GRIN2A: variants seen among roughly 807,000 people sequenced by gnomAD.
GRIN2A encodes glutamate ionotropic receptor NMDA type subunit 2A, also known as glutamate receptor ionotropic, NMDA 2A.
GRIN2A carries 22 observed loss-of-function variants against 113.4 expected under a neutral mutation model. That is an observed-to-expected ratio of 0.19 (90% CI 0.14 to 0.28). The LOEUF (loss-of-function observed/expected upper bound fraction) is 0.28, where lower values mean the gene tolerates loss of function less well. Ranked by LOEUF, GRIN2A falls within the 10% of genes least tolerant of loss-of-function variation. The probability of loss-of-function intolerance (pLI) is 1.00; values close to 1 mark genes in which losing one functional copy is unlikely to be tolerated. For missense variants in GRIN2A, 1,502 were observed against 1,887.0 expected (o/e 0.80, Z 3.78); for synonymous variants, 827 against 738.4 (o/e 1.12, Z -1.94).
intron 2 of GRIN2A, among the ~76,000 whole-genome samples, chr16:10,155,638 G>C (rs2049675991): frequency 6.6e-6 from 1 of 152,172 alleles, no homozygotes; most frequent in South Asian, 2.1e-4. Flanking sequence ...TGATAATAAA[G>C]ACATATCGGA....
At chr16:10,154,093 C>A (rs2049639498) in intron 2 of GRIN2A, among the ~76,000 whole-genome samples, 1 of 152,088 alleles carries the variant, frequency 6.6e-6, no homozygotes, top group African/African-American at 2.4e-5. Context: ...CTTTCCTGGC[C>A]CCTTGAATCA....
At chr16:9,889,982 C>T (rs1402835070) in intron 4 of GRIN2A, among the ~76,000 whole-genome samples, 1 of 152,088 alleles carries the variant, frequency 6.6e-6, no homozygotes, top group Non-Finnish European at 1.5e-5. Context: ...CTGTTCTTTT[C>T]TAGGAATCTG....
chr16:10,006,048 G>A (rs1215226549), intron 2 of GRIN2A, among the ~76,000 whole-genome samples: 1 of 152,172 alleles, frequency 6.6e-6, no homozygotes, highest in African/African-American at 2.4e-5. Context: ...AAGGATGTAG[G>A]CTGTTGTAAT....
chr16:10,172,542 T>C (rs1293807423), intron 2 of GRIN2A, among the ~76,000 whole-genome samples: 1 of 152,058 alleles, frequency 6.6e-6, no homozygotes. Context: ...TGAAGTGAAG[T>C]GACTTTGGGG....
intron 4 of GRIN2A, among the ~76,000 whole-genome samples, chr16:9,863,057 G>A (rs1277059375): frequency 6.6e-6 from 1 of 152,170 alleles, no homozygotes; most frequent in African/African-American, 2.4e-5. Context: ...TAAGTGACTT[G>A]CCCAAGATCA....
intron 2 of GRIN2A, among the ~76,000 whole-genome samples, chr16:10,139,558 C>T (rs2049279340): frequency 6.6e-6 from 1 of 152,182 alleles, no homozygotes; most frequent in South Asian, 2.1e-4. Flanking sequence ...GCTGCTCACA[C>T]TTAGAGTAGT....
chr16:10,004,317 A>G (rs1037924698), intron 2 of GRIN2A, among the ~76,000 whole-genome samples: 3 of 148,916 alleles, frequency 2.0e-5, no homozygotes, highest in Admixed American at 6.7e-5. Flanking sequence ...TGAACCCGGG[A>G]GGCAGAGGTT....
intron 10 of GRIN2A, among the ~76,000 whole-genome samples, chr16:9,815,875 T>C (rs539493881): frequency 9.2e-5 from 14 of 152,344 alleles, no homozygotes; most frequent in African/African-American, 2.2e-4. Flanking sequence ...CAAGTGTCCA[T>C]TGAAAGATGA....
chr16:10,098,217 A>G lies in GRIN2A; in HGVS notation c.414+81781T>C, dbSNP rs540878020. On this transcript the variant is annotated intron_variant, in intron 2 of 12. Coordinates refer to ENST00000330684, the MANE Select transcript of GRIN2A (RefSeq NM_001134407.3). ...AACATATGAACAAATGCTCAACATCAGTAATGATCAGGGAAATGCAAATCA... is the reference window on the plus strand; with the variant it reads ...AACATATGAACAAATGCTCAACATCGGTAATGATCAGGGAAATGCAAATCA... Among the ~76,000 whole-genome samples, 11 of 152,358 alleles carry G rather than the reference A, an allele frequency of 7.2e-5. No homozygotes were observed. The South Asian group carries it at 2.3e-3, about 32-fold the overall frequency.
intron 2 of GRIN2A, among the ~76,000 whole-genome samples, chr16:9,961,515 T>C (rs921473060): frequency 2.0e-5 from 3 of 152,190 alleles, no homozygotes; most frequent in Non-Finnish European, 2.9e-5. Context: ...CAAGCAAAAC[T>C]AATCTATGAT....
chr16:10,056,345 C>T (rs1219355027), intron 2 of GRIN2A, among the ~76,000 whole-genome samples: 3 of 152,048 alleles, frequency 2.0e-5, no homozygotes, highest in African/African-American at 4.8e-5. Context: ...TTCAAATAAT[C>T]ATTCACCCTT....
At chr16:9,971,698 G>A (rs1442668360) in intron 2 of GRIN2A, among the ~76,000 whole-genome samples, 1 of 152,180 alleles carries the variant, frequency 6.6e-6, no homozygotes, top group Admixed American at 6.5e-5. Context: ...AGTTCCAGCA[G>A]TGTAGAAGTT....
chr16:9,952,310 G>GTAGA lies in GRIN2A; in HGVS notation c.415-13763_415-13760dup, dbSNP rs534387925. Among the ~76,000 whole-genome samples, 42 of 152,312 alleles carry GTAGA rather than the reference G, an allele frequency of 2.8e-4. No individual in the cohort carries two copies. The South Asian group carries it at 3.5e-3, about 13-fold the overall frequency. On this transcript the variant is annotated intron_variant, in intron 2 of 12. Coordinates refer to ENST00000330684, the MANE Select transcript of GRIN2A (RefSeq NM_001134407.3). ...GTTCCCAGTGACCCCTGAGGTCCTTGTAGATGGAGGGCAACTTGGCACAGG... is the reference window on the plus strand; with the variant it reads ...GTTCCCAGTGACCCCTGAGGTCCTTGTAGATAGATGGAGGGCAACTTGGCACAGG...
rs1239605138 is a variant in GRIN2A at position 9,761,261 on chromosome 16, C to T, written c.*1888G>A. 4.3e-6 allele frequency: 1 copy of T among 230,396 alleles called. No individual in the cohort carries two copies. The highest frequency in any genetic ancestry group is 2.2e-5 in the African/African-American group (1 of 45,168). The allele number at this position is 230,396 out of a possible 1,614,324, so 14.3% of individuals were successfully genotyped here. On this transcript the variant is annotated 3_prime_UTR_variant, in exon 13 of 13. Transcript: ENST00000330684. ...GGGAATCATCCCTGACACTTGCCCACATGCAAGAAAATAATACTTACAAAA... is the reference window on the plus strand; with the variant it reads ...GGGAATCATCCCTGACACTTGCCCATATGCAAGAAAATAATACTTACAAAA...
Position 9,822,408 on chromosome 16 carries a change from T to C in GRIN2A, c.2024A>G (p.Asp675Gly). Residue 675 changes from aspartate to glycine, a missense_variant, in exon 10 of 13, where the codon GAC (aspartate) becomes GGC (glycine). Asp to Gly is a moderately conservative substitution (Grantham distance 94). Around this residue, in one of 7 missense-constraint regions of GRIN2A, gnomAD observed 101 missense variants for 240.4 expected, o/e 0.42. Coordinates refer to ENST00000330684, the MANE Select transcript of GRIN2A (RefSeq NM_001134407.3). ...LSDKKFQRPH[D>G]YSPPFRFGTV... ...CCCAAATCGAAAAGGTGGGGAATAG[T>C]CATGAGGTCTCTGAAACTGGAGAGA... The C allele has an allele frequency of 6.2e-7, 1 of 1,610,012 alleles. No individual in the cohort carries two copies.
At chr16:10,072,545 T>C (rs8061018) in intron 2 of GRIN2A, among the ~76,000 whole-genome samples, 21,222 of 152,148 alleles carry the variant, frequency 0.14, 1,999 homozygotes, top group African/African-American at 0.27. Context: ...TGTAAAGTTC[T>C]CCTAGGTGAT....
chr16:9,840,487 C>T (rs1320826951), intron 7 of GRIN2A, among the ~76,000 whole-genome samples, 160 bp downstream of exon 7: 5 of 152,054 alleles, frequency 3.3e-5, no homozygotes, highest in African/African-American at 1.2e-4. Context: ...GACCCAAAGC[C>T]TAACCCTTTC....
intron 2 of GRIN2A, among the ~76,000 whole-genome samples, chr16:10,110,652 A>G (rs961494727): frequency 6.6e-6 from 1 of 152,216 alleles, no homozygotes; most frequent in Non-Finnish European, 1.5e-5. Context: ...AGTATGAGAT[A>G]AGGAGAAATC....
At chr16:10,063,744 T>G (rs112444737) in intron 2 of GRIN2A, among the ~76,000 whole-genome samples, 4 of 152,288 alleles carry the variant, frequency 2.6e-5, no homozygotes, top group African/African-American at 9.6e-5. Flanking sequence ...GATAAAATCC[T>G]CCTAAAAACA....
Sources: gnomAD v4.1 joint callset for allele counts (sites outside exome capture counted in the v4.1 genomes callset) on GRCh38, gnomAD v4.1.1 for gene constraint, gnomAD v4.1.1 regional missense constraint, MANE v1.5 for transcripts, NCBI Gene and HGNC (gene_info 2026-07-23, HGNC 2026-07-21) for gene names.